The following LHFPL3 variants were observed in gnomAD, a reference collection of about 807,000 sequenced individuals.
The protein encoded by LHFPL3 is LHFPL tetraspan subfamily member 3.
LHFPL3 carries 5 observed loss-of-function variants against 19.3 expected under a neutral mutation model. That is an observed-to-expected ratio of 0.26 (90% CI 0.14 to 0.54). LHFPL3 has a LOEUF of 0.54. Among genes scored for constraint, LHFPL3 ranks in the 20% least tolerant of loss-of-function variants. LHFPL3 has a pLI of 0.94. For missense variants in LHFPL3, 249 were observed against 307.4 expected (o/e 0.81, Z 1.42); for synonymous variants, 133 against 126.2 (o/e 1.05, Z -0.36).
chr7:104,905,490 G>A (rs188968569), intron 2 of LHFPL3, among the ~76,000 whole-genome samples: 1 of 152,070 alleles, frequency 6.6e-6, no homozygotes, highest in Non-Finnish European at 1.5e-5. Context: ...GGGAGGCTGG[G>A]GAAGGTGGCT....
At chr7:104,618,384 T>TTTTACAGA (rs1450233166) in intron 1 of LHFPL3, among the ~76,000 whole-genome samples, 1 of 152,176 alleles carries the variant, frequency 6.6e-6, no homozygotes, top group Non-Finnish European at 1.5e-5. Context: ...GAAAATACTA[T>TTTTACAGA]TTAACAGATG....
At chr7:104,349,383 G>T (rs577595481) in intron 1 of LHFPL3, among the ~76,000 whole-genome samples, 358 of 152,206 alleles carry the variant, frequency 2.4e-3, no homozygotes, top group Non-Finnish European at 3.8e-3. Flanking sequence ...AATCTTGAGT[G>T]CAGTTGTAGA....
intron 2 of LHFPL3, among the ~76,000 whole-genome samples, chr7:104,796,208 C>T (rs745375143): frequency 1.3e-5 from 2 of 152,228 alleles, no homozygotes; most frequent in African/African-American, 2.4e-5. Context: ...TGTGCACTGA[C>T]ACAGTGGAGG....
intron 2 of LHFPL3, chr7:104,757,643 C>T (rs906974111): frequency 1.3e-5 from 2 of 152,232 alleles, no homozygotes; most frequent in African/African-American, 2.4e-5. Flanking sequence ...AAATCTAAAC[C>T]ATAATGAGAT....
intron 1 of LHFPL3, among the ~76,000 whole-genome samples, chr7:104,631,600 T>G (rs982599181): frequency 5.3e-5 from 8 of 152,228 alleles, no homozygotes; most frequent in Admixed American, 5.2e-4. Flanking sequence ...TTCTAAAAGA[T>G]AAAATAGTCT....
intron 1 of LHFPL3, among the ~76,000 whole-genome samples, chr7:104,657,035 T>G (rs777272145): frequency 6.6e-6 from 1 of 152,260 alleles, no homozygotes; most frequent in South Asian, 2.1e-4. Flanking sequence ...TCTAAATGCC[T>G]GGCTGACTTT....
chr7:104,697,386 A>T (rs1202748532), intron 1 of LHFPL3, among the ~76,000 whole-genome samples: 1 of 152,244 alleles, frequency 6.6e-6, no homozygotes, highest in African/African-American at 2.4e-5. Flanking sequence ...ATTGGCAAGA[A>T]TATAAGGAGT....
At position 104,665,419 on chromosome 7, in the gene LHFPL3, A is replaced by G. The variant is rs1335207063; in HGVS notation, c.446-71256A>G. Among the ~76,000 whole-genome samples, 3 of 152,258 alleles carry G rather than the reference A, an allele frequency of 2.0e-5. No individual in the cohort carries two copies. In the East Asian group the frequency reaches 5.8e-4, roughly 29 times the overall value. Reference sequence around the variant, plus strand: ...TTAAAAGCCAGGTTCTAATTGTAATAGTCCATTCCATTAAAAAAATGTAAC... The same window carrying G: ...TTAAAAGCCAGGTTCTAATTGTAATGGTCCATTCCATTAAAAAAATGTAAC... On this transcript the variant is annotated intron_variant, in intron 1 of 2. Coordinates refer to ENST00000424859, the MANE Select transcript of LHFPL3 (RefSeq NM_199000.3).
intron 2 of LHFPL3, among the ~76,000 whole-genome samples, chr7:104,841,485 T>A (rs1457979578): frequency 9.6e-6 from 1 of 103,652 alleles, no homozygotes; most frequent in Admixed American, 1.1e-4. Flanking sequence ...TTACGATGCA[T>A]TATGTGGGGT....
At chr7:104,409,336 G>A (rs187876407) in intron 1 of LHFPL3, among the ~76,000 whole-genome samples, 6,192 of 149,132 alleles carry the variant, frequency 0.042, 441 homozygotes, top group African/African-American at 0.15. Flanking sequence ...GTGTGTGTGT[G>A]TGTGTCTGTG....
At chr7:104,876,929 T>C (rs1271704592) in intron 2 of LHFPL3, among the ~76,000 whole-genome samples, 1 of 152,178 alleles carries the variant, frequency 6.6e-6, no homozygotes, top group Non-Finnish European at 1.5e-5. Context: ...ATATACACCA[T>C]GGAATACTAT....
intron 2 of LHFPL3, among the ~76,000 whole-genome samples, chr7:104,838,815 G>C (rs1791144859): frequency 6.6e-6 from 1 of 152,150 alleles, no homozygotes; most frequent in African/African-American, 2.4e-5. Flanking sequence ...AGGGACTGCT[G>C]TGTTGGAATG....
intron 1 of LHFPL3, among the ~76,000 whole-genome samples, chr7:104,706,723 A>C (rs1406720097): frequency 6.6e-6 from 1 of 152,184 alleles, no homozygotes; most frequent in African/African-American, 2.4e-5. Flanking sequence ...AAAATGCCTT[A>C]TAACAGCCTC....
intron 2 of LHFPL3, among the ~76,000 whole-genome samples, chr7:104,826,168 C>T (rs911332191): frequency 1.3e-5 from 2 of 151,962 alleles, no homozygotes; most frequent in South Asian, 2.1e-4. Flanking sequence ...CTGACCAGCC[C>T]GGCAGCCAGT....
chr7:104,894,186 A>G (rs910291811), intron 2 of LHFPL3, among the ~76,000 whole-genome samples: 7 of 152,176 alleles, frequency 4.6e-5, no homozygotes, highest in Non-Finnish European at 8.8e-5. Context: ...TACTACTCAG[A>G]GTCCTAATCA....
intron 2 of LHFPL3, among the ~76,000 whole-genome samples, chr7:104,830,809 G>A (rs1459849551): frequency 3.3e-5 from 5 of 151,824 alleles, no homozygotes; most frequent in Admixed American, 6.6e-5. Context: ...TTGACTTGGC[G>A]ATGCAGGCTG....
intron 1 of LHFPL3, among the ~76,000 whole-genome samples, chr7:104,335,295 A>C (rs1789772975): frequency 6.6e-6 from 1 of 152,230 alleles, no homozygotes; most frequent in Non-Finnish European, 1.5e-5. Flanking sequence ...AGAGCATTTC[A>C]AATCTTCTCC....
intron 1 of LHFPL3, among the ~76,000 whole-genome samples, chr7:104,611,803 T>A (rs1431463808): frequency 6.6e-6 from 1 of 152,196 alleles, no homozygotes; most frequent in Admixed American, 6.6e-5. Flanking sequence ...TACAACTATA[T>A]GAACTAAATC....
chr7:104,668,808 G>A, intron 1 of LHFPL3: 1 of 1,610,142 alleles, frequency 6.2e-7, no homozygotes, highest in Non-Finnish European at 8.5e-7. Context: ...CAGTCCACTC[G>A]AGCTGCTTCT....
Sources: gnomAD v4.1 joint callset for allele counts (sites outside exome capture counted in the v4.1 genomes callset) on GRCh38, gnomAD v4.1.1 for gene constraint, MANE v1.5 for transcripts, NCBI Gene and HGNC (gene_info 2026-07-23, HGNC 2026-07-21) for gene names.